Variants in LPP observed in about 807,000 individuals in gnomAD.
The protein encoded by LPP is LIM domain containing preferred translocation partner in lipoma, also known as lipoma-preferred partner.
In LPP, 38 loss-of-function variants were observed where a neutral mutation model predicts 60.4. The ratio of observed to expected loss-of-function variants is 0.63; its 90% CI spans 0.49 to 0.83. The LOEUF (loss-of-function observed/expected upper bound fraction) is 0.83. Ranked by LOEUF, LPP falls within the 40% of genes least tolerant of loss-of-function variation. The pLI, the probability that LPP is intolerant of heterozygous loss-of-function variation, is 0.00. For synonymous variants in LPP, 328 were observed against 290.8 expected (o/e 1.13, Z -1.30); for missense variants, 902 against 783.6 (o/e 1.15, Z -1.80).
intron 8 of LPP, among the ~76,000 whole-genome samples, chr3:188,722,402 A>AG (rs1426709550): frequency 1.3e-5 from 2 of 152,312 alleles, no homozygotes; most frequent in Non-Finnish European, 2.9e-5. Context: ...TAGATGATAC[A>AG]GCAGTAATAA....
chr3:188,857,337 A>G (rs746919217), intron 9 of LPP, among the ~76,000 whole-genome samples: 2 of 152,218 alleles, frequency 1.3e-5, no homozygotes, highest in Non-Finnish European at 2.9e-5. Context: ...TATCTGAGAA[A>G]CTTGTTAATT....
intron 8 of LPP, among the ~76,000 whole-genome samples, chr3:188,716,534 T>C (rs1303191293): frequency 6.6e-6 from 1 of 152,188 alleles, no homozygotes; most frequent in Non-Finnish European, 1.5e-5. Flanking sequence ...AAACCATGAT[T>C]TGAGGTGCAG....
chr3:188,222,736 A>G (rs919143304), intron 1 of LPP, among the ~76,000 whole-genome samples: 8 of 152,164 alleles, frequency 5.3e-5, no homozygotes, highest in African/African-American at 1.7e-4. Flanking sequence ...TGTTTAATGA[A>G]TCTAGATTAG....
At position 188,480,440 on chromosome 3, in the gene LPP, A is replaced by T. The variant is rs868166825; in HGVS notation, c.194-4152A>T. 1.2e-4 allele frequency among the ~76,000 whole-genome samples: 19 copies of T among 152,316 alleles called. 1 individual carries two copies. The highest frequency in any genetic ancestry group is 6.8e-3 in the Middle Eastern group (2 of 294). On this transcript the variant is annotated intron_variant, in intron 4 of 11. Coordinates refer to ENST00000617246, the MANE Select transcript of LPP (RefSeq NM_001375462.1). ...TTTCCTGCTCTGTATTTCACCAGCT[A>T]TGTAACTTTGAATAAACCATTTTAC...
At chr3:188,194,870 A>G (rs890038583) in intron 1 of LPP, among the ~76,000 whole-genome samples, 2 of 152,236 alleles carry the variant, frequency 1.3e-5, no homozygotes, top group Admixed American at 1.3e-4. Context: ...GGTAGAAAAC[A>G]CAGGTTCATT....
At chr3:188,375,631 TTTTG>T (rs1774809566) in intron 3 of LPP, among the ~76,000 whole-genome samples, 1 of 152,134 alleles carries the variant, frequency 6.6e-6, no homozygotes, top group African/African-American at 2.4e-5. Flanking sequence ...GGTCTATCGG[TTTTG>T]TTTATCTTTT....
intron 5 of LPP, among the ~76,000 whole-genome samples, chr3:188,493,880 A>G (rs1409126969): frequency 1.3e-5 from 2 of 152,104 alleles, no homozygotes; most frequent in Non-Finnish European, 1.5e-5. Flanking sequence ...TAGTTCTACT[A>G]CATGGAGGGA....
At chr3:188,245,934 G>C (rs1726802940) in intron 2 of LPP, among the ~76,000 whole-genome samples, 1 of 152,024 alleles carries the variant, frequency 6.6e-6, no homozygotes, top group Admixed American at 6.6e-5. Flanking sequence ...TATTTTATCA[G>C]GAAAAGGAAA....
At chr3:188,836,660 G>A (rs531205357) in intron 9 of LPP, among the ~76,000 whole-genome samples, 8 of 152,302 alleles carry the variant, frequency 5.3e-5, no homozygotes, top group East Asian at 1.9e-4. Context: ...TTTATAAGAC[G>A]TTTAATTGGT....
At chr3:188,802,723 G>A (rs899632442) in intron 9 of LPP, among the ~76,000 whole-genome samples, 1 of 152,038 alleles carries the variant, frequency 6.6e-6, no homozygotes, top group Admixed American at 6.5e-5. Flanking sequence ...GGTGGAAGTT[G>A]CAGTGAGCTG....
intron 4 of LPP, among the ~76,000 whole-genome samples, chr3:188,418,018 A>G (rs988196259): frequency 1.3e-5 from 2 of 152,188 alleles, no homozygotes; most frequent in African/African-American, 4.8e-5. Context: ...ACAACTTGTA[A>G]TTTTAAAATG....
At chr3:188,308,180 C>T (rs1319517507) in intron 2 of LPP, among the ~76,000 whole-genome samples, 1 of 152,090 alleles carries the variant, frequency 6.6e-6, no homozygotes, top group Non-Finnish European at 1.5e-5. Flanking sequence ...GGTCATTCTG[C>T]CCCCAACATT....
chr3:188,663,807 A>G (rs931707983), intron 7 of LPP, among the ~76,000 whole-genome samples: 3 of 152,194 alleles, frequency 2.0e-5, no homozygotes, highest in African/African-American at 7.2e-5. Context: ...ACCTCAGATT[A>G]TCGGCATTAG....
intron 6 of LPP, among the ~76,000 whole-genome samples, chr3:188,525,467 C>G (rs1820347728): frequency 6.6e-6 from 1 of 152,132 alleles, no homozygotes; most frequent in African/African-American, 2.4e-5. Context: ...ACAGCTTTGT[C>G]TATATGGATA....
chr3:188,384,855 T>C (rs1489763124), intron 3 of LPP, among the ~76,000 whole-genome samples: 4 of 149,676 alleles, frequency 2.7e-5, no homozygotes, highest in Non-Finnish European at 5.9e-5. Flanking sequence ...CTTTCCATGA[T>C]GCATTTGAAG....
chr3:188,829,731 TAGC>T (rs1756622633), intron 9 of LPP, among the ~76,000 whole-genome samples: 1 of 152,178 alleles, frequency 6.6e-6, no homozygotes, highest in South Asian at 2.1e-4. Flanking sequence ...AGTTCACACT[TAGC>T]AGTTGAATGA....
At chr3:188,499,033 T>C (rs1811070555) in intron 5 of LPP, among the ~76,000 whole-genome samples, 1 of 152,186 alleles carries the variant, frequency 6.6e-6, no homozygotes. Context: ...GTAAGGTCTC[T>C]ATATATTCTG....
intron 9 of LPP, among the ~76,000 whole-genome samples, chr3:188,850,696 T>G (rs1762492979): frequency 6.6e-6 from 1 of 152,064 alleles, no homozygotes. Flanking sequence ...ATAATAATAA[T>G]GTAGGACCAC....
intron 9 of LPP, among the ~76,000 whole-genome samples, chr3:188,854,428 A>G (rs1408183966): frequency 6.6e-6 from 1 of 152,110 alleles, no homozygotes; most frequent in Non-Finnish European, 1.5e-5. Context: ...TGACATACAC[A>G]TCAGCAGTGC....
Sources: gnomAD v4.1 joint callset for allele counts (sites outside exome capture counted in the v4.1 genomes callset) on GRCh38, gnomAD v4.1.1 for gene constraint, MANE v1.5 for transcripts, NCBI Gene and HGNC (gene_info 2026-07-23, HGNC 2026-07-21) for gene names.